The following GALNT5 variants were observed in gnomAD, a reference collection of about 807,000 sequenced individuals.
GALNT5 encodes UDP-GalNAc:polypeptide N-acetylgalactosaminyltransferase 5.
Under a neutral mutation model 85.4 loss-of-function variants are expected in GALNT5, and 72 were observed. The observed-to-expected ratio is 0.84, with a 90% CI of 0.70 to 1.03. The LOEUF (loss-of-function observed/expected upper bound fraction) is 1.03, where lower values mean the gene tolerates loss of function less well. GALNT5 is among the 50% of genes least tolerant of loss of function. The probability of loss-of-function intolerance (pLI) is 0.00; values close to 1 mark genes in which losing one functional copy is unlikely to be tolerated. For synonymous variants in GALNT5, 404 were observed against 397.0 expected, an observed-to-expected ratio of 1.02 and a Z score of -0.21; for missense variants, 1,137 against 1,135.5, an observed-to-expected ratio of 1.00 and a Z score of -0.02.
intron 3 of GALNT5, among the ~76,000 whole-genome samples, chr2:157,292,334 CCT>C (rs1384999339): frequency 2.6e-5 from 4 of 152,122 alleles, no homozygotes; most frequent in African/African-American, 9.7e-5. Context: ...CAGAGAGCTC[CCT>C]GTTTTCTCAC....
rs1255043021 is a variant in GALNT5 at position 157,300,906 on chromosome 2, G to C, written c.2346G>C (p.Glu782Asp). 1.2e-6 allele frequency: 2 copies of C among 1,613,920 alleles called. No homozygotes were observed. The highest frequency in any genetic ancestry group is 1.7e-6 in the Non-Finnish European group (2 of 1,179,926). The change falls in exon 7 of 10, where the codon GAG becomes GAC. Residue 782 changes from glutamate (E) to aspartate (D), a missense_variant. Transcript: ENST00000259056. ...TTGGCAACCTCACCCAGCAAAGGGAGCTGCGAAAGAAACTGAAGTGCAAAA... is the reference window on the plus strand; with the variant it reads ...TTGGCAACCTCACCCAGCAAAGGGACCTGCGAAAGAAACTGAAGTGCAAAA... ...LDVGNLTQQR[E>D]LRKKLKCKSF...
At chr2:157,309,988 G>C (rs1400447300) in intron 9 of GALNT5, among the ~76,000 whole-genome samples, 3 of 151,910 alleles carry the variant, frequency 2.0e-5, no homozygotes, top group African/African-American at 7.3e-5. Flanking sequence ...AGGAGAAAGG[G>C]GGGGATGTGG....
intron 1 of GALNT5, among the ~76,000 whole-genome samples, chr2:157,262,784 C>T (rs1682372840): frequency 6.7e-6 from 1 of 149,910 alleles, no homozygotes; most frequent in South Asian, 2.1e-4. Context: ...TCCCAAAGGA[C>T]CATTGCTAAA....
At chr2:157,268,562 A>T (rs1682509667) in intron 1 of GALNT5, among the ~76,000 whole-genome samples, 1 of 152,232 alleles carries the variant, frequency 6.6e-6, no homozygotes, top group Non-Finnish European at 1.5e-5. Flanking sequence ...CCTAAAAGTG[A>T]GGAAACTAAG....
chr2:157,267,999 T>C (rs904328269), intron 1 of GALNT5, among the ~76,000 whole-genome samples: 3 of 152,220 alleles, frequency 2.0e-5, no homozygotes, highest in African/African-American at 7.2e-5. Context: ...TTCAGCTGTG[T>C]GCTCAATTCT....
chr2:157,261,766 A>G (rs975341891), intron 1 of GALNT5, among the ~76,000 whole-genome samples: 1 of 152,250 alleles, frequency 6.6e-6, no homozygotes, highest in African/African-American at 2.4e-5. Context: ...GTTAAAGAAA[A>G]TACAATCAAA....
intron 1 of GALNT5, among the ~76,000 whole-genome samples, chr2:157,261,397 T>C (rs1469203987): frequency 6.6e-6 from 1 of 152,210 alleles, no homozygotes; most frequent in Non-Finnish European, 1.5e-5. Flanking sequence ...CTGTAGAAGT[T>C]AAGCATTGCA....
At chr2:157,269,803 C>T (rs1326563568) in intron 1 of GALNT5, among the ~76,000 whole-genome samples, 1 of 152,156 alleles carries the variant, frequency 6.6e-6, no homozygotes, top group Non-Finnish European at 1.5e-5. Context: ...CATGAGCCTG[C>T]TTAGTTAACT....
At chr2:157,279,114 C>T (rs947980889) in intron 1 of GALNT5, among the ~76,000 whole-genome samples, 2 of 152,220 alleles carry the variant, frequency 1.3e-5, no homozygotes, top group Non-Finnish European at 2.9e-5. Flanking sequence ...GAGGTCCACT[C>T]CAGACCCTGT....
chr2:157,303,819 C>A (rs1683398324), intron 7 of GALNT5, among the ~76,000 whole-genome samples: 1 of 152,170 alleles, frequency 6.6e-6, no homozygotes. Context: ...AAGGATTATA[C>A]AAAATAGACA....
intron 1 of GALNT5, among the ~76,000 whole-genome samples, chr2:157,264,525 T>A (rs1455058802): frequency 2.4e-4 from 37 of 152,194 alleles, no homozygotes; most frequent in Admixed American, 2.4e-3. Context: ...ATTAAAATGG[T>A]CTTTATTCTC....
In GALNT5 at chr2:157,317,198, A is replaced by ATATTTTTT. The variant is rs1292694926; in HGVS notation, c.*5851_*5852insATTTTTTT. On this transcript the variant is annotated 3_prime_UTR_variant, in exon 10 of 10. Transcript: ENST00000259056. ...TGTATATATATATATATATATATATATTTTTTTTTTTGATGCTTTGATCTG... is the reference window on the plus strand; with the variant it reads ...TGTATATATATATATATATATATATATATTTTTTTTTTTTTTTTTGATGCTTTGATCTG... Among the ~76,000 whole-genome samples, 4 of 132,980 alleles carry ATATTTTTT rather than the reference A, an allele frequency of 3.0e-5. No homozygotes were observed. In the East Asian group the frequency reaches 8.6e-4, roughly 29 times the overall value. 87.2% of individuals were successfully genotyped at this position (132,980 alleles called of 152,430 possible). A position where few individuals can be genotyped will look rare whatever the true frequency, so the allele number is the denominator to read the frequency against.
intron 8 of GALNT5, among the ~76,000 whole-genome samples, chr2:157,307,742 A>G (rs1482811392): frequency 6.6e-6 from 1 of 152,222 alleles, no homozygotes; most frequent in African/African-American, 2.4e-5. Context: ...AGGTAAAGGC[A>G]TTTAGATAGA....
At chr2:157,299,182 G>A (rs75062084) in intron 5 of GALNT5, 1,839 of 155,816 alleles carry the variant, frequency 0.012, 43 homozygotes, top group African/African-American at 0.042. Flanking sequence ...CTTAATAATT[G>A]CACACACAAG....
chr2:157,258,584 G>T lies in GALNT5; in HGVS notation c.502G>T (p.Ala168Ser). 1.9e-6 allele frequency: 3 copies of T among 1,613,352 alleles called. No individual in the cohort carries two copies. Among genetic ancestry groups the T allele is most frequent in the Non-Finnish European group, 2.5e-6 (3 of 1,179,876 alleles). The change falls in exon 1 of 10, where the codon GCT becomes TCT. Residue 168 changes from alanine to serine, a missense_variant. Physicochemically the swap from Ala to Ser is moderately conservative, Grantham distance 99. Transcript: ENST00000259056. Reference protein sequence around the residue: ...GTPKQTTAQGAPKTSFIAAKG... With the variant: ...GTPKQTTAQGSPKTSFIAAKG... ...ACCAAAGCAAACGACAGCTCAGGGG[G>T]CTCCAAAGACCTCATTCATAGCAGC...
At chr2:157,281,600 C>CT (rs955082845) in intron 1 of GALNT5, among the ~76,000 whole-genome samples, 7 of 150,928 alleles carry the variant, frequency 4.6e-5, no homozygotes, top group African/African-American at 1.7e-4. Flanking sequence ...GAGCAAGACT[C>CT]TATTTCAGAA....
chr2:157,313,946 T>C lies in GALNT5; in HGVS notation c.*2598T>C, dbSNP rs1683635776. 6.6e-6 allele frequency: 1 copy of C among 152,286 alleles called. No homozygotes were observed. Among genetic ancestry groups the C allele is most frequent in the East Asian group, 1.9e-4 (1 of 5,186 alleles). 9.4% of individuals were successfully genotyped at this position (152,286 alleles called of 1,614,324 possible). On this transcript the variant is annotated 3_prime_UTR_variant, in exon 10 of 10. Transcript: ENST00000259056. ...GTTACTCTAAGAAGCAAGGAACTGA[T>C]CACTAGTTGGGAATCTATATGGGCC...
intron 7 of GALNT5, among the ~76,000 whole-genome samples, chr2:157,305,448 C>A (rs1040773918): frequency 7.2e-5 from 11 of 152,138 alleles, no homozygotes; most frequent in Admixed American, 7.2e-4. Context: ...AATTACTTTT[C>A]TTGCCACCTT....
At chr2:157,272,341 C>T (rs752063226) in intron 1 of GALNT5, among the ~76,000 whole-genome samples, 1 of 152,202 alleles carries the variant, frequency 6.6e-6, no homozygotes, top group Non-Finnish European at 1.5e-5. Flanking sequence ...CCACAAAATA[C>T]TATCCTTTCC....
Sources: allele counts gnomAD v4.1 joint callset (sites outside exome capture counted in the v4.1 genomes callset), GRCh38; gene constraint gnomAD v4.1.1; transcripts MANE v1.5; gene names NCBI Gene and HGNC (gene_info 2026-07-23, HGNC 2026-07-21).